NECAB1: variants seen among roughly 807,000 people sequenced by gnomAD.
The protein encoded by NECAB1 is N-terminal EF-hand calcium-binding protein 1.
A neutral mutation model predicts 57.5 loss-of-function variants in NECAB1; 29 were observed. The ratio of observed to expected loss-of-function variants is 0.50; its 90% CI spans 0.38 to 0.69. The LOEUF (loss-of-function observed/expected upper bound fraction) is 0.69, where lower values mean the gene tolerates loss of function less well. Ranked by LOEUF, NECAB1 falls within the 30% of genes least tolerant of loss-of-function variation. NECAB1 has a pLI of 0.00. For missense variants in NECAB1, 372 were observed against 413.8 expected (o/e 0.90, Z 0.88); for synonymous variants, 142 against 147.7 (o/e 0.96, Z 0.28).
At chr8:90,860,168 G>T (rs941861618) in intron 3 of NECAB1, among the ~76,000 whole-genome samples, 3 of 151,270 alleles carry the variant, frequency 2.0e-5, no homozygotes, top group African/African-American at 7.3e-5. Flanking sequence ...GCTGTACCCA[G>T]AAACAATTAA....
At chr8:90,930,025 G>C (rs1810369007) in intron 8 of NECAB1, among the ~76,000 whole-genome samples, 1 of 152,014 alleles carries the variant, frequency 6.6e-6, no homozygotes, top group South Asian at 2.1e-4. Flanking sequence ...ACAGCTAAGT[G>C]ACAAACCAAA....
chr8:90,941,844 G>C (rs919969387), intron 10 of NECAB1, among the ~76,000 whole-genome samples: 1 of 152,174 alleles, frequency 6.6e-6, no homozygotes, highest in African/African-American at 2.4e-5. Flanking sequence ...CAAGTTCAGA[G>C]CCCAGGTCCA....
At chr8:90,879,072 T>TATATATTATATATATTATATATATA in intron 4 of NECAB1, among the ~76,000 whole-genome samples, 1 of 131,776 alleles carries the variant, frequency 7.6e-6, no homozygotes, top group African/African-American at 3.5e-5. Flanking sequence ...TTATATATAA[T>TATATATTATATATATTATATATATA]ATATATTATA....
In NECAB1 at chr8:90,959,153, G is replaced by C; in HGVS notation, c.*3641G>C. 2 of 484,562 alleles carry C rather than the reference G, an allele frequency of 4.1e-6. No homozygotes were observed. Among genetic ancestry groups the C allele is most frequent in the Non-Finnish European group, 3.6e-6 (1 of 279,258 alleles). 30.0% of individuals were successfully genotyped at this position (484,562 alleles called of 1,614,324 possible). ...ACAGATTTAAATGCATGTTACCATA[G>C]AAACTATTAAAGTAACTAGAACTGT... On this transcript the variant is annotated 3_prime_UTR_variant, in exon 13 of 13. Coordinates refer to ENST00000417640, the MANE Select transcript of NECAB1 (RefSeq NM_022351.5).
At chr8:90,935,196 G>A (rs983047439) in intron 9 of NECAB1, among the ~76,000 whole-genome samples, 5 of 152,132 alleles carry the variant, frequency 3.3e-5, no homozygotes, top group African/African-American at 1.2e-4. Context: ...TCTCTGAATT[G>A]TGCACAAGCA....
intron 3 of NECAB1, among the ~76,000 whole-genome samples, chr8:90,839,048 T>C (rs1812413954): frequency 6.6e-6 from 1 of 152,262 alleles, no homozygotes; most frequent in East Asian, 1.9e-4. Flanking sequence ...AAGGGATGAT[T>C]GATACATTTT....
chr8:90,938,153 C>CA (rs1428179092), intron 9 of NECAB1, among the ~76,000 whole-genome samples: 1 of 152,184 alleles, frequency 6.6e-6, no homozygotes, highest in Non-Finnish European at 1.5e-5. Context: ...GCTGATGCAA[C>CA]AAAATCTCAT....
intron 5 of NECAB1, among the ~76,000 whole-genome samples, chr8:90,898,566 G>T (rs1403774043): frequency 1.3e-5 from 2 of 152,140 alleles, no homozygotes; most frequent in African/African-American, 4.8e-5. Flanking sequence ...CTTGGACTGT[G>T]CTTCCTATTC....
chr8:90,956,675 T>C lies in NECAB1; in HGVS notation c.*1163T>C, dbSNP rs569994418. On this transcript the variant is annotated 3_prime_UTR_variant, in exon 13 of 13. Transcript: ENST00000417640. ...TCTAGTATAAATTCCTTTGAAACTA[T>C]AAGTCTTTGAGGAAAATTATAAGGT... The C allele has an allele frequency of 2.6e-5, 4 of 152,236 alleles. No homozygotes were observed. The highest frequency in any genetic ancestry group is 9.6e-5 in the African/African-American group (4 of 41,544). The allele number at this position is 152,236 out of a possible 1,614,324, so 9.4% of individuals were successfully genotyped here.
At position 90,928,284 on chromosome 8, in the gene NECAB1, T is replaced by C; in HGVS notation, c.678T>C (p.Asp226=). 6.8e-6 allele frequency: 11 copies of C among 1,607,428 alleles called. No individual in the cohort carries two copies. Among genetic ancestry groups the C allele is most frequent in the Non-Finnish European group, 9.3e-6 (11 of 1,177,142 alleles). The part of the protein sequence containing the change: ...TQINRLQKLI[D]RLEKKDLKLE... ...TAAATAGACTCCAGAAATTAATTGA[T>C]AGACTGGAAAAGAAGGTAGGTGCTT... Residue 226 remains aspartate, a synonymous_variant, in exon 8 of 13, where the codon GAT becomes GAC. Transcript: ENST00000417640.
chr8:90,797,916 G>C (rs1563489996), intron 1 of NECAB1, among the ~76,000 whole-genome samples: 1 of 152,116 alleles, frequency 6.6e-6, no homozygotes, highest in Non-Finnish European at 1.5e-5. Context: ...TTCTTTCCAG[G>C]TTATATATTG....
At chr8:90,891,913 C>T (rs781399288) in intron 5 of NECAB1, among the ~76,000 whole-genome samples, 7 of 151,960 alleles carry the variant, frequency 4.6e-5, no homozygotes, top group Non-Finnish European at 1.0e-4. Flanking sequence ...AGGCTGGTCT[C>T]GAACTTCTGG....
intron 5 of NECAB1, among the ~76,000 whole-genome samples, chr8:90,898,030 AG>A (rs1172917105): frequency 6.6e-6 from 1 of 152,212 alleles, no homozygotes; most frequent in Non-Finnish European, 1.5e-5. Context: ...CATTTTCTGT[AG>A]TAGCTTTCCT....
chr8:90,893,967 G>T (rs2129973566), intron 5 of NECAB1, among the ~76,000 whole-genome samples: 1 of 151,936 alleles, frequency 6.6e-6, no homozygotes, highest in South Asian at 2.1e-4. Flanking sequence ...TTTAGTTCAT[G>T]ATCTGCTCTG....
chr8:90,875,766 A>T (rs1413432268), intron 4 of NECAB1, among the ~76,000 whole-genome samples: 1 of 150,644 alleles, frequency 6.6e-6, no homozygotes, highest in East Asian at 2.0e-4. Flanking sequence ...TAATCCCAGC[A>T]CTTTGGGAGG....
chr8:90,891,698 T>G (rs1049982896), intron 5 of NECAB1, among the ~76,000 whole-genome samples: 5 of 151,986 alleles, frequency 3.3e-5, no homozygotes, highest in Admixed American at 3.3e-4. Flanking sequence ...TTTTTTCTTT[T>G]TCTTTTTTTT....
intron 3 of NECAB1, among the ~76,000 whole-genome samples, chr8:90,833,372 GT>G (rs1386724558): frequency 6.9e-6 from 1 of 144,694 alleles, no homozygotes; most frequent in Admixed American, 7.1e-5. Context: ...TATTTTTCTG[GT>G]TTTCATCTAT....
Position 90,801,804 on chromosome 8 carries a change from C to T in NECAB1, c.124+89C>T, listed in dbSNP as rs529794058. 4.2e-3 allele frequency: 3,764 copies of T among 903,042 alleles called. 16 individuals carry two copies. Among genetic ancestry groups the T allele is most frequent in the Non-Finnish European group, 5.5e-3 (3,287 of 600,796 alleles). The allele number at this position is 903,042 out of a possible 1,614,324, so 55.9% of individuals were successfully genotyped here. ...AATAATCAGGAAAAAGGGGACAGTC[C>T]GGGAAAATTACATATAAAATACTAC... On this transcript the variant is annotated intron_variant, in intron 2 of 12. Transcript: ENST00000417640.
At chr8:90,946,290 AT>A (rs1218344329) in intron 10 of NECAB1, among the ~76,000 whole-genome samples, 4 of 152,288 alleles carry the variant, frequency 2.6e-5, no homozygotes, top group African/African-American at 9.6e-5. Flanking sequence ...AGTCACCTTT[AT>A]TAGGTTTCCT....
Sources: allele counts gnomAD v4.1 joint callset (sites outside exome capture counted in the v4.1 genomes callset), GRCh38; gene constraint gnomAD v4.1.1; transcripts MANE v1.5; gene names NCBI Gene and HGNC (gene_info 2026-07-23, HGNC 2026-07-21).